LRRK1: variants seen among roughly 807,000 people sequenced by gnomAD.
The protein encoded by LRRK1 is leucine rich repeat kinase 1.
Under a neutral mutation model 209.1 loss-of-function variants are expected in LRRK1, and 113 were observed. That is an observed-to-expected ratio of 0.54 (90% CI 0.46 to 0.63). The LOEUF is 0.63. Ranked by LOEUF, LRRK1 falls within the 30% of genes least tolerant of loss-of-function variation. The pLI is 0.00. For missense variants in LRRK1, 2,284 were observed against 2,632.2 expected (o/e 0.87, Z 2.89); for synonymous variants, 1,144 against 1,099.7 (o/e 1.04, Z -0.80).
In LRRK1 at chr15:101,056,985, G is replaced by C. The variant is rs1197526686; in HGVS notation, c.4462G>C (p.Glu1488Gln). 6.2e-7 allele frequency: 1 copy of C among 1,614,034 alleles called. No homozygotes were observed. The highest frequency in any genetic ancestry group is 8.5e-7 in the Non-Finnish European group (1 of 1,180,024). The change falls in exon 28 of 34, where the codon GAG becomes CAG. Residue 1488 changes from glutamate (E) to glutamine (Q), a missense_variant. By Grantham distance (29) the Glu-to-Gln change is conservative (BLOSUM62 2). This residue lies in a region of LRRK1 where 59 missense variants were observed against 103.8 expected (regional missense o/e 0.57). Coordinates refer to ENST00000388948, the MANE Select transcript of LRRK1 (RefSeq NM_024652.6). ...CATCCGCCCGGTTCTGGGGCAGCCG[G>C]AGGAAGTGCAGTTCCGGCGACTGCA... ...KGIRPVLGQPEEVQFRRLQAL... is the reference protein window; with the variant it reads ...KGIRPVLGQPQEVQFRRLQAL...
At chr15:100,976,097 TA>T (rs1277073134) in intron 3 of LRRK1, among the ~76,000 whole-genome samples, 1 of 152,038 alleles carries the variant, frequency 6.6e-6, no homozygotes, top group East Asian at 1.9e-4. Context: ...AATGAACAAA[TA>T]AAAAGAAAAA....
chr15:101,053,187 A>G, intron 25 of LRRK1, 36 bp from the exon 26 acceptor site: 1 of 1,596,628 alleles, frequency 6.3e-7, no homozygotes, highest in East Asian at 2.2e-5. Flanking sequence ...CAGGCACCCC[A>G]TGTCCTACTG....
chr15:100,920,921 C>T (rs182905522), intron 1 of LRRK1, among the ~76,000 whole-genome samples: 48 of 152,292 alleles, frequency 3.2e-4, no homozygotes, highest in African/African-American at 1.2e-3. Flanking sequence ...TTGCCCCAGG[C>T]CACACTGGCT....
At position 101,027,237 on chromosome 15, in the gene LRRK1, A is replaced by G; in HGVS notation, c.2406-24A>G. ...TTCCTCGGAGTGGGGCATGATGAGT[A>G]AAGACGGGTCTTTTTGCTCACAGTG... On this transcript the variant is annotated intron_variant, in intron 17 of 33. Transcript: ENST00000388948. This position sits in a 1 kb window ranked among gnomAD's most constrained non-coding sequence, Gnocchi z 5.1. The G allele has an allele frequency of 3.1e-6, 5 of 1,613,686 alleles. No homozygotes were observed. The highest frequency in any genetic ancestry group is 4.2e-6 in the Non-Finnish European group (5 of 1,179,842).
Position 101,076,303 on chromosome 15 carries a change from A to G in LRRK1, c.*7455A>G, listed in dbSNP as rs548926239. 2 of 151,280 alleles carry G rather than the reference A, an allele frequency of 1.3e-5. No individual in the cohort carries two copies. The highest frequency in any genetic ancestry group is 4.8e-5 in the African/African-American group (2 of 41,342). 9.4% of individuals were successfully genotyped at this position (151,280 alleles called of 1,614,324 possible). On this transcript the variant is annotated 3_prime_UTR_variant, in exon 34 of 34. Coordinates refer to ENST00000388948, the MANE Select transcript of LRRK1 (RefSeq NM_024652.6). ...ATCTATTTTCTTCCTCATACCTGACATATATACTTTCTGCTCCCCGGCTCC... is the reference window on the plus strand; with the variant it reads ...ATCTATTTTCTTCCTCATACCTGACGTATATACTTTCTGCTCCCCGGCTCC...
rs1470416060 is a variant in LRRK1, at chr15:101,061,301, C to T, written c.4797+13C>T. 2.5e-5 allele frequency: 40 copies of T among 1,586,146 alleles called. No homozygotes were observed. Among genetic ancestry groups the T allele is most frequent in the Non-Finnish European group, 3.1e-5 (36 of 1,156,626 alleles). On this transcript the variant is annotated intron_variant, in intron 30 of 33. Transcript: ENST00000388948. ...GACAGCCACCGAGGTAAGCACTGCC[C>T]GCAGGCCTGCCCACCGAGGTAAGCA...
chr15:100,950,826 G>A (rs901656432), intron 2 of LRRK1, among the ~76,000 whole-genome samples: 11 of 151,704 alleles, frequency 7.3e-5, no homozygotes, highest in Non-Finnish European at 1.6e-4. Context: ...AGAGCAGGCC[G>A]GGCGCGGTGG....
chr15:100,933,885 A>C (rs2042251448), intron 2 of LRRK1, among the ~76,000 whole-genome samples: 1 of 138,804 alleles, frequency 7.2e-6, no homozygotes, highest in African/African-American at 2.6e-5. Flanking sequence ...TAACCTGTCT[A>C]TTGAACATTT....
At chr15:101,028,706 C>T (rs974750677) in intron 19 of LRRK1, among the ~76,000 whole-genome samples, 27 of 152,208 alleles carry the variant, frequency 1.8e-4, no homozygotes, top group African/African-American at 6.5e-4. Context: ...AGGCAAAATC[C>T]ACAAATAATG....
Position 100,973,880 on chromosome 15 carries a change from C to A in LRRK1, c.174C>A (p.Ile58=), listed in dbSNP as rs1363119465. 5.5e-6 allele frequency: 7 copies of A among 1,280,768 alleles called. No homozygotes were observed. The South Asian group carries it at 1.3e-4, about 23-fold the overall frequency. 79.3% of individuals were successfully genotyped at this position (1,280,768 alleles called of 1,614,324 possible). ...PAARSRRTEG[I]RAAYRRGDRG... ...CGCGGTCCCGCAGGACGGAAGGCAT[C>A]CGCGCCGCGTACAGGCGGGGAGACC... The change falls in exon 3 of 34, where the codon ATC becomes ATA. Residue 58 remains isoleucine, a synonymous_variant. Coordinates refer to ENST00000388948, the MANE Select transcript of LRRK1 (RefSeq NM_024652.6).
At chr15:100,957,632 C>A (rs910699125) in intron 2 of LRRK1, among the ~76,000 whole-genome samples, 1 of 152,174 alleles carries the variant, frequency 6.6e-6, no homozygotes, top group African/African-American at 2.4e-5. Flanking sequence ...CTTTTGGTTT[C>A]ATTTGCATGA....
chr15:100,924,620 G>A lies in LRRK1; in HGVS notation c.-13G>A, dbSNP rs1167131275. On this transcript the variant is annotated 5_prime_UTR_variant, in exon 2 of 34. Coordinates refer to ENST00000388948, the MANE Select transcript of LRRK1 (RefSeq NM_024652.6). ...CGGGACCTGCCTTTGAAGATCGGCT[G>A]CTGCAAGGGTTGATGGCTGGCATGT... is the stretch of plus-strand genomic sequence containing the variant. 1 of 1,613,530 alleles carries A rather than the reference G, an allele frequency of 6.2e-7. No homozygotes were observed. Among genetic ancestry groups the A allele is most frequent in the African/African-American group, 1.3e-5 (1 of 74,896 alleles).
At chr15:100,961,865 G>A (rs74671954) in intron 2 of LRRK1, among the ~76,000 whole-genome samples, 6,711 of 152,218 alleles carry the variant, frequency 0.044, 192 homozygotes, top group Middle Eastern at 0.068. Flanking sequence ...TCAAATGCAC[G>A]CAGGACACTT....
chr15:100,974,003 G>A, intron 3 of LRRK1, 36 bp downstream of exon 3: 3 of 1,242,692 alleles, frequency 2.4e-6, no homozygotes, highest in African/African-American at 1.5e-5. Context: ...CACCCATGCA[G>A]CCCCGGGCTG....
At chr15:101,050,517 C>G (rs1023217577) in intron 23 of LRRK1, among the ~76,000 whole-genome samples, 3 of 151,440 alleles carry the variant, frequency 2.0e-5, no homozygotes, top group African/African-American at 4.9e-5. Flanking sequence ...ACAGGCTGCC[C>G]GAGAGCCTCA....
intron 20 of LRRK1, among the ~76,000 whole-genome samples, chr15:101,032,290 T>C (rs970551966): frequency 6.6e-6 from 1 of 152,188 alleles, no homozygotes; most frequent in African/African-American, 2.4e-5. Context: ...ACAAGTTCTT[T>C]TTTTTTTATT....
chr15:101,049,597 C>A (rs1286819494), intron 22 of LRRK1, 47 bp from the exon 23 acceptor site: 1 of 1,593,542 alleles, frequency 6.3e-7, no homozygotes, highest in South Asian at 1.1e-5. Context: ...TCCCAGGGTC[C>A]CCCAGAGCCA....
At chr15:101,067,511 T>C (rs935667418) in intron 33 of LRRK1, 2 of 287,322 alleles carry the variant, frequency 7.0e-6, no homozygotes, top group East Asian at 1.7e-4. Context: ...CCCTGCAGCA[T>C]GAGTTATCCC....
At chr15:101,045,672 CTG>C (rs775511082) in intron 20 of LRRK1, among the ~76,000 whole-genome samples, 1 of 152,204 alleles carries the variant, frequency 6.6e-6, no homozygotes, top group South Asian at 2.1e-4. Context: ...GTCCCATTTG[CTG>C]TGTCTGACAT....
Sources: gnomAD v4.1 joint callset for allele counts (sites outside exome capture counted in the v4.1 genomes callset) on GRCh38, gnomAD v4.1.1 for gene constraint, gnomAD v4.1.1 regional missense constraint, Gnocchi (gnomAD v3.1) non-coding constraint, MANE v1.5 for transcripts, NCBI Gene and HGNC (gene_info 2026-07-23, HGNC 2026-07-21) for gene names.